The following PPARGC1A variants were observed in gnomAD, a reference collection of about 807,000 sequenced individuals.
PPARGC1A encodes peroxisome proliferator-activated receptor gamma coactivator 1-alpha.
Under a neutral mutation model 88.7 loss-of-function variants are expected in PPARGC1A, and 25 were observed. That is an observed-to-expected ratio of 0.28 (90% CI 0.21 to 0.39). PPARGC1A has a LOEUF of 0.39. PPARGC1A is among the 10% of genes least tolerant of loss of function. PPARGC1A has a pLI of 1.00. For synonymous variants in PPARGC1A, 363 were observed against 355.6 expected (o/e 1.02, Z -0.24); for missense variants, 880 against 968.7 (o/e 0.91, Z 1.22).
the PPARGC1A span, among the ~76,000 whole-genome samples, chr4:24,412,770 C>T: frequency 5.3e-4 from 81 of 152,316 alleles, no homozygotes; most frequent in Non-Finnish European, 8.4e-4. Context: ...CCTGAGCCAC[C>T]GCGCCCAGCT....
At chr4:24,289,330 C>T in the PPARGC1A span, among the ~76,000 whole-genome samples, 4 of 152,000 alleles carry the variant, frequency 2.6e-5, no homozygotes, top group Admixed American at 6.6e-5. Context: ...AAATCCATGC[C>T]TTACCTCTCT....
chr4:24,454,818 G>A, the PPARGC1A span, among the ~76,000 whole-genome samples: 304 of 152,048 alleles, frequency 2.0e-3, 3 homozygotes, highest in East Asian at 0.036. Flanking sequence ...AAATAGTTCC[G>A]AGTCTCAGGC....
At chr4:24,018,042 A>G in the PPARGC1A span, among the ~76,000 whole-genome samples, 14 of 152,198 alleles carry the variant, frequency 9.2e-5, no homozygotes, top group African/African-American at 3.1e-4. Context: ...TCTAAGGGTC[A>G]AGTTATAGCA....
chr4:24,104,924 C>T, the PPARGC1A span, among the ~76,000 whole-genome samples: 1 of 152,166 alleles, frequency 6.6e-6, no homozygotes, highest in African/African-American at 2.4e-5. Flanking sequence ...ACTTCCCTTC[C>T]CTGAGCCTCA....
At chr4:24,008,115 A>T in the PPARGC1A span, among the ~76,000 whole-genome samples, 1 of 152,176 alleles carries the variant, frequency 6.6e-6, no homozygotes, top group Non-Finnish European at 1.5e-5. Context: ...GGAGAGGAAG[A>T]GAACACAGCC....
chr4:23,864,423 G>GA (rs918835121), intron 2 of PPARGC1A, among the ~76,000 whole-genome samples: 5 of 152,172 alleles, frequency 3.3e-5, no homozygotes, highest in Non-Finnish European at 5.9e-5. Flanking sequence ...AGCAGATGCT[G>GA]AAAAATAATG....
the PPARGC1A span, among the ~76,000 whole-genome samples, chr4:24,101,027 T>C: frequency 6.6e-6 from 1 of 152,222 alleles, no homozygotes; most frequent in South Asian, 2.1e-4. Flanking sequence ...AGACAAATTC[T>C]ATGATTTATT....
the PPARGC1A span, among the ~76,000 whole-genome samples, chr4:23,996,082 A>G: frequency 6.6e-6 from 1 of 152,108 alleles, no homozygotes; most frequent in Non-Finnish European, 1.5e-5. Flanking sequence ...TGAAAGGGCA[A>G]TTCTTAGTTG....
the PPARGC1A span, among the ~76,000 whole-genome samples, chr4:24,236,032 G>A: frequency 6.6e-6 from 1 of 152,180 alleles, no homozygotes; most frequent in African/African-American, 2.4e-5. Flanking sequence ...AGGGTTGTGT[G>A]TGAGCCTAAA....
At chr4:24,443,723 T>C in the PPARGC1A span, among the ~76,000 whole-genome samples, 1 of 66,588 alleles carries the variant, frequency 1.5e-5, no homozygotes. Flanking sequence ...GCCCGGCTAA[T>C]TTTTTTTTTT....
Position 23,792,502 on chromosome 4 carries a change from C to CCTCT in PPARGC1A, c.*3316_*3319dup, listed in dbSNP as rs1432004525. The CCTCT allele has an allele frequency of 6.6e-6, 1 of 151,800 alleles. No individual in the cohort carries two copies. Among genetic ancestry groups the CCTCT allele is most frequent in the Non-Finnish European group, 1.5e-5 (1 of 67,906 alleles). 9.4% of individuals were successfully genotyped at this position (151,800 alleles called of 1,614,324 possible). A position where few individuals can be genotyped will look rare whatever the true frequency, so the allele number is the denominator to read the frequency against. ...ATCATACCCCAATAGTGCAAAGTTC[C>CCTCT]CTCTCTGCTGCTTTGAATGTTGACA... On this transcript the variant is annotated 3_prime_UTR_variant, in exon 13 of 13. Transcript: ENST00000264867.
chr4:24,030,618 C>T, the PPARGC1A span, among the ~76,000 whole-genome samples: 1 of 152,156 alleles, frequency 6.6e-6, no homozygotes, highest in Non-Finnish European at 1.5e-5. Context: ...ACCACAGCAC[C>T]ACCTCATCCA....
the PPARGC1A span, among the ~76,000 whole-genome samples, chr4:24,463,736 T>C: frequency 1.5e-3 from 226 of 152,196 alleles, no homozygotes; most frequent in Non-Finnish European, 2.4e-3. Flanking sequence ...CAAATAAATA[T>C]GACAGCAAGA....
chr4:23,828,308 G>T, intron 5 of PPARGC1A, 92 bp downstream of exon 5: 1 of 1,324,476 alleles, frequency 7.6e-7, no homozygotes, highest in Non-Finnish European at 1.1e-6. Context: ...CTGATGGGAC[G>T]GAAGCAAGAA....
chr4:23,913,653 C>T, the PPARGC1A span, among the ~76,000 whole-genome samples: 2 of 152,220 alleles, frequency 1.3e-5, no homozygotes, highest in Admixed American at 6.5e-5. Flanking sequence ...GTCTTGTTCA[C>T]AATTATGTTC....
the PPARGC1A span, among the ~76,000 whole-genome samples, chr4:24,210,370 G>C: frequency 6.6e-6 from 1 of 152,120 alleles, no homozygotes; most frequent in Non-Finnish European, 1.5e-5. Flanking sequence ...GAAACTCAAA[G>C]GCTAACATTC....
At chr4:23,978,594 TA>T in the PPARGC1A span, among the ~76,000 whole-genome samples, 8 of 152,140 alleles carry the variant, frequency 5.3e-5, no homozygotes, top group Non-Finnish European at 1.2e-4. Flanking sequence ...CCCTATTTGA[TA>T]AACTCAAATC....
intron 2 of PPARGC1A, among the ~76,000 whole-genome samples, chr4:23,843,444 G>C (rs1727424729): frequency 6.6e-6 from 1 of 152,014 alleles, no homozygotes; most frequent in Admixed American, 6.6e-5. Flanking sequence ...AACTGACTGA[G>C]CTAATCCATG....
At chr4:24,202,084 T>C in the PPARGC1A span, among the ~76,000 whole-genome samples, 31 of 152,042 alleles carry the variant, frequency 2.0e-4, no homozygotes, top group Non-Finnish European at 4.1e-4. Context: ...GTATTTTTTG[T>C]AGTGACAGGG....
Sources: allele counts gnomAD v4.1 joint callset (sites outside exome capture counted in the v4.1 genomes callset), GRCh38; gene constraint gnomAD v4.1.1; transcripts MANE v1.5; gene names NCBI Gene and HGNC (gene_info 2026-07-23, HGNC 2026-07-21).